Variants in KCTD3 observed in about 807,000 individuals in gnomAD.
KCTD3 encodes the protein BTB/POZ domain-containing protein KCTD3.
In KCTD3, 41 loss-of-function variants were observed where a neutral mutation model predicts 85.8. The ratio of observed to expected loss-of-function variants is 0.48; its 90% CI spans 0.37 to 0.62. KCTD3 has a LOEUF of 0.62. Among genes scored for constraint, KCTD3 ranks in the 20% least tolerant of loss-of-function variants. The pLI is 0.00. For synonymous variants in KCTD3, 338 were observed against 345.4 expected (o/e 0.98, Z 0.24); for missense variants, 724 against 989.9 (o/e 0.73, Z 3.60).
At chr1:215,609,574 G>A (rs1259143465) in intron 14 of KCTD3, among the ~76,000 whole-genome samples, 2 of 151,886 alleles carry the variant, frequency 1.3e-5, no homozygotes, top group African/African-American at 4.8e-5. Context: ...CATGCAAGAA[G>A]ACTTGACAGT....
intron 15 of KCTD3, among the ~76,000 whole-genome samples, chr1:215,616,110 G>T (rs909195666): frequency 4.6e-5 from 7 of 152,140 alleles, no homozygotes; most frequent in Non-Finnish European, 5.9e-5. Context: ...CCACCTTGGG[G>T]AAAAAGAAGA....
chr1:215,610,480 T>A (rs1451717459), intron 14 of KCTD3, among the ~76,000 whole-genome samples: 2 of 151,882 alleles, frequency 1.3e-5, no homozygotes, highest in Non-Finnish European at 2.9e-5. Flanking sequence ...GAATAGGTTA[T>A]GGGTCAGTCT....
At chr1:215,619,111 C>T (rs746689813) in intron 16 of KCTD3, 41 bp downstream of exon 16, 2 of 1,608,950 alleles carry the variant, frequency 1.2e-6, no homozygotes, top group South Asian at 2.2e-5. Flanking sequence ...CAAGGTTAAG[C>T]TTTTCACTTA....
At chr1:215,599,282 C>T (rs1432591792) in intron 10 of KCTD3, among the ~76,000 whole-genome samples, 1 of 151,932 alleles carries the variant, frequency 6.6e-6, no homozygotes, top group African/African-American at 2.4e-5. Context: ...ATGCATTAAG[C>T]AGTGATTAGG....
chr1:215,596,962 CTG>C (rs1654583668), intron 10 of KCTD3, among the ~76,000 whole-genome samples: 1 of 152,000 alleles, frequency 6.6e-6, no homozygotes, highest in South Asian at 2.1e-4. Flanking sequence ...ATTTCTTTCT[CTG>C]TGACAGAAGG....
intron 8 of KCTD3, among the ~76,000 whole-genome samples, 196 bp downstream of exon 8, chr1:215,580,195 A>G (rs973399586): frequency 3.3e-5 from 5 of 152,156 alleles, no homozygotes; most frequent in South Asian, 4.1e-4. Context: ...AATGTTTCTG[A>G]TAGCCTTTAT....
At position 215,621,481 on chromosome 1, in the gene KCTD3, G is replaced by A. The variant is rs1655686922; in HGVS notation, c.*863G>A. The A allele has an allele frequency of 6.6e-6, 1 of 151,964 alleles. No individual in the cohort carries two copies. Among genetic ancestry groups the A allele is most frequent in the South Asian group, 2.1e-4 (1 of 4,826 alleles). 9.4% of individuals were successfully genotyped at this position (151,964 alleles called of 1,614,324 possible). On this transcript the variant is annotated 3_prime_UTR_variant, in exon 18 of 18. Transcript: ENST00000259154. ...TAAAACACTAGTTTGTTCACTTGTA[G>A]GACTGCAGTTCTGAATTTTGGGTTA...
chr1:215,592,084 C>A (rs1660247316), intron 9 of KCTD3, among the ~76,000 whole-genome samples: 1 of 152,166 alleles, frequency 6.6e-6, no homozygotes, highest in Admixed American at 6.5e-5. Flanking sequence ...CATTCCCTAT[C>A]ACAAGAACGA....
At chr1:215,607,658 A>T (rs1441599779) in intron 13 of KCTD3, among the ~76,000 whole-genome samples, 1 of 152,024 alleles carries the variant, frequency 6.6e-6, no homozygotes, top group African/African-American at 2.4e-5. Flanking sequence ...AACAGTTTCT[A>T]TAGTTAGGAA....
In KCTD3 at chr1:215,619,006, T is replaced by C; in HGVS notation, c.1683T>C (p.Asn561=). Reference sequence around the variant, plus strand: ...GCTACTTGTTCACAGGCCATACAAATGGCAGTATTCAAATGTGGGATCTGA... The same window carrying C: ...GCTACTTGTTCACAGGCCATACAAACGGCAGTATTCAAATGTGGGATCTGA... The part of the protein sequence containing the change: ...PRRYLFTGHT[N]GSIQMWDLTT... Residue 561 remains asparagine, a synonymous_variant, in exon 16 of 18, where the codon AAT becomes AAC. Coordinates refer to ENST00000259154, the MANE Select transcript of KCTD3 (RefSeq NM_016121.5). 1 of 1,613,978 alleles carries C rather than the reference T, an allele frequency of 6.2e-7. No homozygotes were observed. Among genetic ancestry groups the C allele is most frequent in the Non-Finnish European group, 8.5e-7 (1 of 1,179,958 alleles).
intron 9 of KCTD3, among the ~76,000 whole-genome samples, chr1:215,592,917 G>T (rs1660278350): frequency 6.6e-6 from 1 of 152,176 alleles, no homozygotes; most frequent in Non-Finnish European, 1.5e-5. Flanking sequence ...TGGTGCTCAG[G>T]ATTGTTTAGC....
chr1:215,595,289 A>G, intron 9 of KCTD3, 67 bp from the exon 10 acceptor site: 1 of 950,772 alleles, frequency 1.1e-6, no homozygotes, highest in South Asian at 1.3e-5. Context: ...GATGTTTTTA[A>G]TCCAGGTTTT....
At chr1:215,582,712 C>A (rs909023674) in intron 8 of KCTD3, among the ~76,000 whole-genome samples, 2 of 151,976 alleles carry the variant, frequency 1.3e-5, no homozygotes, top group Non-Finnish European at 2.9e-5. Flanking sequence ...CAGGTGTGCA[C>A]CACCACACCT....
intron 1 of KCTD3, among the ~76,000 whole-genome samples, chr1:215,572,492 GC>G (rs1274720372): frequency 6.6e-6 from 1 of 152,154 alleles, no homozygotes; most frequent in Non-Finnish European, 1.5e-5. Flanking sequence ...CTCTGTATAA[GC>G]CTTGGTAGTC....
intron 10 of KCTD3, among the ~76,000 whole-genome samples, chr1:215,601,563 A>G (rs977695237): frequency 9.2e-5 from 14 of 152,164 alleles, no homozygotes; most frequent in African/African-American, 3.4e-4. Context: ...GTGGGCTGCA[A>G]TCTAGTGATC....
intron 14 of KCTD3, among the ~76,000 whole-genome samples, 153 bp from the exon 15 acceptor site, chr1:215,611,672 C>T (rs1254534818): frequency 6.6e-6 from 1 of 151,894 alleles, no homozygotes; most frequent in East Asian, 1.9e-4. Flanking sequence ...TACTTGTATA[C>T]ATTTATTGCA....
intron 12 of KCTD3, among the ~76,000 whole-genome samples, chr1:215,602,788 A>G (rs1245167735): frequency 6.6e-6 from 1 of 152,216 alleles, no homozygotes; most frequent in Non-Finnish European, 1.5e-5. Flanking sequence ...TCTAAGAAAC[A>G]ATTTGTATTC....
chr1:215,614,024 T>G (rs1048453549), intron 15 of KCTD3, among the ~76,000 whole-genome samples: 11 of 129,854 alleles, frequency 8.5e-5, no homozygotes, highest in Non-Finnish European at 1.6e-4. Flanking sequence ...AATAGTTTTT[T>G]TTTTTTTTTT....
chr1:215,611,470 G>A (rs1448468083), intron 14 of KCTD3, among the ~76,000 whole-genome samples: 4 of 151,860 alleles, frequency 2.6e-5, no homozygotes, highest in Non-Finnish European at 4.4e-5. Flanking sequence ...TAATGTATAC[G>A]TCTCTTTTAA....
Sources: allele counts gnomAD v4.1 joint callset (sites outside exome capture counted in the v4.1 genomes callset), GRCh38; gene constraint gnomAD v4.1.1; transcripts MANE v1.5; gene names NCBI Gene and HGNC (gene_info 2026-07-23, HGNC 2026-07-21).